ATRX: variants seen among roughly 807,000 people sequenced by gnomAD.
ATRX encodes the protein chromatin remodeler ATRX.
A neutral mutation model predicts 172.6 loss-of-function variants in ATRX; 12 were observed. The observed-to-expected ratio is 0.07, with a 90% CI of 0.04 to 0.11. ATRX has a LOEUF of 0.11. Ranked by LOEUF, ATRX falls within the 10% of genes least tolerant of loss-of-function variation. The pLI is 1.00. For missense variants in ATRX, 1,368 were observed against 1,767.4 expected (o/e 0.77, Z 4.05); for synonymous variants, 674 against 594.7 (o/e 1.13, Z -1.94).
At chrX:77,513,939 C>T (rs1456201258) in intron 34 of ATRX, among the ~76,000 whole-genome samples, 1 of 110,602 alleles carries the variant, frequency 9.0e-6, no homozygotes, top group Non-Finnish European at 1.9e-5. Context: ...GTACAAAAAT[C>T]AGTAGCATTC....
intron 1 of ATRX, among the ~76,000 whole-genome samples, chrX:77,749,803 T>G (rs1557186668): frequency 9.0e-6 from 1 of 111,254 alleles, no homozygotes; most frequent in East Asian, 2.8e-4. Context: ...TCCTGCTCTG[T>G]CCAGCCGTGG....
At chrX:77,545,092 C>T (rs782726676) in intron 30 of ATRX, among the ~76,000 whole-genome samples, 16 of 112,258 alleles carry the variant, frequency 1.4e-4, no homozygotes, top group Non-Finnish European at 2.4e-4. Context: ...AGAGTATATT[C>T]GAAAGTTGGG....
At position 77,593,775 on chromosome X, in the gene ATRX, C is replaced by A. The variant is rs781983474; in HGVS notation, c.6031G>T (p.Ala2011Ser). ...WYKDFVTDAD[A>S]EVLEHSGKMV... ...TTCCCAGAATGCTCTAAAACCTCAG[C>A]ATCAGCATCTGTAACAAAATCTTTG... The change falls in exon 26 of 35, where the codon GCT becomes TCT. Residue 2011 changes from alanine (A) to serine (S), a missense_variant. Around this residue, in one of 17 missense-constraint regions of ATRX, gnomAD observed 45 missense variants for 120.2 expected, o/e 0.37. Coordinates refer to ENST00000373344, the MANE Select transcript of ATRX (RefSeq NM_000489.6). The A allele has an allele frequency of 1.7e-6, 2 of 1,210,125 alleles. No individual in the cohort carries two copies. The highest frequency in any genetic ancestry group is 3.5e-5 in the South Asian group (2 of 56,924).
intron 28 of ATRX, among the ~76,000 whole-genome samples, chrX:77,567,881 C>T (rs2065258275): frequency 1.8e-5 from 2 of 110,727 alleles, no homozygotes; most frequent in African/African-American, 6.6e-5. Context: ...AAATCCACAA[C>T]AGAAAAATAA....
At chrX:77,670,827 A>G (rs1222149150) in intron 10 of ATRX, among the ~76,000 whole-genome samples, 1 of 107,711 alleles carries the variant, frequency 9.3e-6, no homozygotes, top group Non-Finnish European at 1.9e-5. Context: ...ACTCAGGTTC[A>G]AAATTAGTAT....
chrX:77,751,317 T>A (rs1413663415), intron 1 of ATRX, among the ~76,000 whole-genome samples: 2 of 112,754 alleles, frequency 1.8e-5, no homozygotes, highest in African/African-American at 6.4e-5. Context: ...GTTGGCCACA[T>A]AAATGTCTTC....
chrX:77,784,509 TTAACTG>T (rs1283616916), intron 1 of ATRX, among the ~76,000 whole-genome samples: 1 of 112,065 alleles, frequency 8.9e-6, no homozygotes, highest in African/African-American at 3.2e-5. Flanking sequence ...AGGTCATAAT[TTAACTG>T]TAAGGTACAC....
intron 2 of ATRX, among the ~76,000 whole-genome samples, chrX:77,714,012 G>A (rs1425520609): frequency 9.0e-6 from 1 of 111,447 alleles, no homozygotes; most frequent in East Asian, 2.8e-4. Flanking sequence ...TCTCCAGCTG[G>A]TAGCAGGTGG....
intron 1 of ATRX, among the ~76,000 whole-genome samples, chrX:77,766,666 G>A (rs1180505302): frequency 3.8e-5 from 4 of 106,617 alleles, no homozygotes; most frequent in East Asian, 3.0e-4. Context: ...ATGGGATGGC[G>A]GCCGGGAAAA....
In ATRX at chrX:77,681,875, C is replaced by G. The variant is rs2071221695; in HGVS notation, c.3381G>C (p.Lys1127Asn). The G allele has an allele frequency of 1.7e-6, 2 of 1,206,533 alleles. No individual in the cohort carries two copies. Among genetic ancestry groups the G allele is most frequent in the Non-Finnish European group, 1.1e-6 (1 of 893,335 alleles). ...CCCTCAATTCTATTCTTTTCAGTCT[C>G]TTATCAGAAGAGTTACAACCATCTT... ...MKEDGCNSSD[K>N]RLKRIELRER... The change falls in exon 9 of 35, where the codon AAG becomes AAC. Residue 1127 changes from lysine to asparagine, a missense_variant. By Grantham distance (94) the Lys-to-Asn change is moderately conservative. This residue lies in a region of ATRX where 843 missense variants were observed against 643.1 expected (regional missense o/e 1.31). Coordinates refer to ENST00000373344, the MANE Select transcript of ATRX (RefSeq NM_000489.6).
intron 11 of ATRX, 113 bp downstream of exon 11, chrX:77,664,532 T>G: frequency 2.8e-6 from 3 of 1,054,772 alleles, no homozygotes; most frequent in Non-Finnish European, 3.9e-6. Flanking sequence ...ATTATAGGCG[T>G]GAGCCACCAC....
At chrX:77,677,906 A>C (rs2070978332) in intron 9 of ATRX, among the ~76,000 whole-genome samples, 1 of 111,296 alleles carries the variant, frequency 9.0e-6, no homozygotes, top group Admixed American at 9.6e-5. Context: ...CAGGCTCAGG[A>C]TAGAAATACA....
chrX:77,522,219 T>C, intron 32 of ATRX, 44 bp downstream of exon 32: 1 of 1,206,904 alleles, frequency 8.3e-7, no homozygotes, highest in African/African-American at 1.7e-5. Flanking sequence ...CACTTGAAAT[T>C]GCCTTTAATT....
intron 13 of ATRX, 63 bp downstream of exon 13, chrX:77,656,497 A>T (rs1256491726): frequency 2.3e-6 from 2 of 864,895 alleles, no homozygotes; most frequent in African/African-American, 3.9e-5. Context: ...AACCATATAA[A>T]TCATTTGAAG....
intron 7 of ATRX, among the ~76,000 whole-genome samples, chrX:77,685,306 A>T (rs1557143268): frequency 1.8e-5 from 2 of 112,147 alleles, no homozygotes; most frequent in Non-Finnish European, 3.8e-5. Flanking sequence ...TGGATTAATA[A>T]CCACAATATA....
intron 15 of ATRX, among the ~76,000 whole-genome samples, chrX:77,636,925 GGAAGGAGGAAGGAGAAGGAA>G (rs1165490226): frequency 1.1e-5 from 1 of 94,082 alleles, no homozygotes; most frequent in Non-Finnish European, 2.1e-5. Flanking sequence ...GAAGGAAGAA[GGAAGGAGGAAGGAGAAGGAA>G]GAAGGAGGAA....
chrX:77,528,464 T>C (rs1557044874), intron 30 of ATRX, among the ~76,000 whole-genome samples: 1 of 110,999 alleles, frequency 9.0e-6, no homozygotes, highest in African/African-American at 3.3e-5. Flanking sequence ...GATCTTCCAG[T>C]GCAGGTTGCC....
At chrX:77,641,867 GA>G (rs1201816026) in intron 15 of ATRX, among the ~76,000 whole-genome samples, 4 of 110,784 alleles carry the variant, frequency 3.6e-5, no homozygotes, top group Non-Finnish European at 5.7e-5. Context: ...AAATAGAACA[GA>G]AAAAAATTAT....
At chrX:77,736,535 G>A (rs1354183703) in intron 1 of ATRX, among the ~76,000 whole-genome samples, 1 of 112,400 alleles carries the variant, frequency 8.9e-6, no homozygotes, top group Non-Finnish European at 1.9e-5. Context: ...TGCCTGAGTT[G>A]AAATGGCTTA....
Sources: allele counts gnomAD v4.1 joint callset (sites outside exome capture counted in the v4.1 genomes callset), GRCh38; gene constraint gnomAD v4.1.1; regional missense constraint gnomAD v4.1.1; transcripts MANE v1.5; gene names NCBI Gene and HGNC (gene_info 2026-07-23, HGNC 2026-07-21).